The following MIER3 variants were observed in gnomAD, a reference collection of about 807,000 sequenced individuals.
MIER3 encodes mesoderm induction early response protein 3.
MIER3 carries 9 observed loss-of-function variants against 63.2 expected under a neutral mutation model. That is an observed-to-expected ratio of 0.14 (90% CI 0.09 to 0.25). The LOEUF is 0.25. Among genes scored for constraint, MIER3 ranks in the 10% least tolerant of loss-of-function variants. The pLI is 1.00. For synonymous variants in MIER3, 205 were observed against 224.9 expected, an observed-to-expected ratio of 0.91 and a Z score of 0.79; for missense variants, 512 against 666.2, an observed-to-expected ratio of 0.77 and a Z score of 2.55.
Position 56,921,084 on chromosome 5 carries a change from T to C in MIER3, c.*2044A>G, listed in dbSNP as rs925439626. The C allele has an allele frequency of 5.9e-5, 9 of 152,694 alleles. No homozygotes were observed. The highest frequency in any genetic ancestry group is 9.6e-5 in the African/African-American group (4 of 41,566). 9.5% of individuals were successfully genotyped at this position (152,694 alleles called of 1,614,324 possible). Reference sequence around the variant, plus strand: ...CTTATATCAAGACCCCAGCAATGCATAGATAAACTGAATATATTACTGCAT... The same window carrying C: ...CTTATATCAAGACCCCAGCAATGCACAGATAAACTGAATATATTACTGCAT... On this transcript the variant is annotated 3_prime_UTR_variant, in exon 13 of 13. Transcript: ENST00000381199.
At chr5:56,939,619 T>C (rs1750570272) in intron 3 of MIER3, among the ~76,000 whole-genome samples, 1 of 152,216 alleles carries the variant, frequency 6.6e-6, no homozygotes, top group Non-Finnish European at 1.5e-5. Context: ...TGTGGCTTAA[T>C]TCTGGGTTTG....
intron 3 of MIER3, among the ~76,000 whole-genome samples, chr5:56,939,953 T>G (rs1464331582): frequency 6.6e-6 from 1 of 152,230 alleles, no homozygotes; most frequent in Non-Finnish European, 1.5e-5. Flanking sequence ...GCAATGAAAC[T>G]GCCTAATGAC....
At position 56,952,051 on chromosome 5, in the gene MIER3, G is replaced by T. The variant is rs1051931420; in HGVS notation, c.9+43C>A. On this transcript the variant is annotated intron_variant, in intron 1 of 12. Coordinates refer to ENST00000381199, the MANE Select transcript of MIER3 (RefSeq NM_001297599.2). The stretch of plus-strand genomic sequence containing the variant: ...CGGGGGTCGCGGGGAGCCGCCGGGC[G>T]CCCGCTCCAGCCCGGCTGCTCCTGC... 6 of 1,264,666 alleles carry T rather than the reference G, an allele frequency of 4.7e-6. No homozygotes were observed. The African/African-American group carries it at 8.0e-5, about 17-fold the overall frequency. The allele number at this position is 1,264,666 out of a possible 1,614,324, so 78.3% of individuals were successfully genotyped here.
At position 56,946,971 on chromosome 5, in the gene MIER3, C is replaced by T. The variant is rs140774317; in HGVS notation, c.135G>A (p.Met45Ile). 2.6e-5 allele frequency: 41 copies of T among 1,607,304 alleles called. No homozygotes were observed. The highest frequency in any genetic ancestry group is 3.2e-5 in the Non-Finnish European group (38 of 1,177,672). ...DERTLEEEEM[M>I]DEGKNFSSEI... ...CTGAACTGAAGTTTTTACCCTCATCCATCATTTCCTCTTCTTCAAGAGTTC... is the reference window on the plus strand; with the variant it reads ...CTGAACTGAAGTTTTTACCCTCATCTATCATTTCCTCTTCTTCAAGAGTTC... Residue 45 changes from methionine (M) to isoleucine (I), a missense_variant, in exon 3 of 13, where the codon ATG (methionine) becomes ATA (isoleucine). Transcript: ENST00000381199.
chr5:56,930,335 AAAAAAG>A (rs1364216914), intron 9 of MIER3, among the ~76,000 whole-genome samples: 1 of 151,930 alleles, frequency 6.6e-6, no homozygotes, highest in Non-Finnish European at 1.5e-5. Flanking sequence ...GGCTGAAAAA[AAAAAAG>A]AAAAAATCTT....
intron 3 of MIER3, among the ~76,000 whole-genome samples, chr5:56,945,497 A>C (rs1262733920): frequency 2.0e-5 from 3 of 152,226 alleles, no homozygotes. Flanking sequence ...ATCTAGGTCT[A>C]TTAAAAGCTC....
At chr5:56,951,400 T>G (rs1432606399) in intron 1 of MIER3, among the ~76,000 whole-genome samples, 179 of 151,902 alleles carry the variant, frequency 1.2e-3, no homozygotes, top group South Asian at 2.1e-4. Context: ...CGCCCAGCCT[T>G]CCTTCCTCCA....
rs1749675124 is a variant in MIER3 at position 56,921,571 on chromosome 5, A to G, written c.*1557T>C. 6.6e-6 allele frequency: 1 copy of G among 152,622 alleles called. No homozygotes were observed. The highest frequency in any genetic ancestry group is 1.5e-5 in the Non-Finnish European group (1 of 68,020). 9.5% of individuals were successfully genotyped at this position (152,622 alleles called of 1,614,324 possible). On this transcript the variant is annotated 3_prime_UTR_variant, in exon 13 of 13. Coordinates refer to ENST00000381199, the MANE Select transcript of MIER3 (RefSeq NM_001297599.2). Reference sequence around the variant, plus strand: ...GCTGCAAAGAAAAACAAGAATACACATCATCCAAAACTAAGGATGTCATTG... The same window carrying G: ...GCTGCAAAGAAAAACAAGAATACACGTCATCCAAAACTAAGGATGTCATTG...
intron 2 of MIER3, among the ~76,000 whole-genome samples, chr5:56,950,360 A>G (rs1376197849): frequency 6.6e-6 from 1 of 152,202 alleles, no homozygotes; most frequent in Non-Finnish European, 1.5e-5. Context: ...CGGAGGAAAA[A>G]TAAGATATGT....
Position 56,920,189 on chromosome 5 carries a change from T to C in MIER3, c.*2939A>G, listed in dbSNP as rs918818339. 4.6e-5 allele frequency: 7 copies of C among 152,576 alleles called. No homozygotes were observed. Among genetic ancestry groups the C allele is most frequent in the Non-Finnish European group, 8.8e-5 (6 of 68,004 alleles). The allele number at this position is 152,576 out of a possible 1,614,324, so 9.5% of individuals were successfully genotyped here. A position where few individuals can be genotyped will look rare whatever the true frequency, so the allele number is the denominator to read the frequency against. ...TGATCTAATTGTACAAATTTTAGTA[T>C]TTTTTAAACAGTATTCTACATCCTT... On this transcript the variant is annotated 3_prime_UTR_variant, in exon 13 of 13. Coordinates refer to ENST00000381199, the MANE Select transcript of MIER3 (RefSeq NM_001297599.2).
chr5:56,927,787 T>C (rs1054386677), intron 10 of MIER3: 1 of 152,200 alleles, frequency 6.6e-6, no homozygotes, highest in Non-Finnish European at 1.5e-5. Context: ...TTTTGACAAA[T>C]GTGTAATTAC....
intron 8 of MIER3, among the ~76,000 whole-genome samples, chr5:56,932,414 T>G (rs145312655): frequency 6.6e-6 from 1 of 152,346 alleles, no homozygotes; most frequent in East Asian, 1.9e-4. Context: ...AGGTTTTAAT[T>G]CTTCTAAAAT....
chr5:56,923,372 A>G lies in MIER3; in HGVS notation c.1409T>C (p.Met470Thr), dbSNP rs146937136. Residue 470 changes from methionine to threonine, a missense_variant, in exon 13 of 13, where the codon ATG (methionine) becomes ACG (threonine). Physicochemically the swap from Met to Thr is moderately conservative, Grantham distance 81. Coordinates refer to ENST00000381199, the MANE Select transcript of MIER3 (RefSeq NM_001297599.2). ...FYHSELNPMNMCSEESERPAK... is the reference protein window; with the variant it reads ...FYHSELNPMNTCSEESERPAK... ...TGGTCTCTCTGACTCTTCACTGCAC[A>G]TGTTCATAGGGTTTAGCTCCGAGTG... 5.0e-6 allele frequency: 8 copies of G among 1,614,172 alleles called. No individual in the cohort carries two copies. The African/African-American group carries it at 5.3e-5, about 11-fold the overall frequency.
intron 6 of MIER3, 45 bp downstream of exon 6, chr5:56,935,621 A>G (rs757602582): frequency 2.6e-6 from 4 of 1,562,588 alleles, no homozygotes; most frequent in Middle Eastern, 3.4e-4. Flanking sequence ...CATTTCAGAA[A>G]TATTTTTAAA....
chr5:56,939,458 G>A (rs555109398), intron 3 of MIER3, among the ~76,000 whole-genome samples: 104 of 152,228 alleles, frequency 6.8e-4, no homozygotes, highest in Middle Eastern at 3.4e-3. Flanking sequence ...GAAAACCTTT[G>A]CTGAATGTTT....
At chr5:56,930,359 A>G (rs1385082730) in intron 9 of MIER3, among the ~76,000 whole-genome samples, 2 of 151,276 alleles carry the variant, frequency 1.3e-5, no homozygotes, top group East Asian at 3.9e-4. Context: ...CTTTTTTTCA[A>G]TGAAATCATA....
chr5:56,922,773 GC>G lies in MIER3; in HGVS notation c.*354del. ...CATCTGTGCTGGTTTTGAGCTGGTG[GC>G]CTCTGTCTACAGGTTTTAAAATTGG... On this transcript the variant is annotated 3_prime_UTR_variant, in exon 13 of 13. Coordinates refer to ENST00000381199, the MANE Select transcript of MIER3 (RefSeq NM_001297599.2). The G allele has an allele frequency of 2.1e-5, 5 of 233,642 alleles. No homozygotes were observed. Among genetic ancestry groups the G allele is most frequent in the Admixed American group, 1.0e-4 (2 of 19,918 alleles). The allele number at this position is 233,642 out of a possible 1,614,324, so 14.5% of individuals were successfully genotyped here. A position where few individuals can be genotyped will look rare whatever the true frequency, so the allele number is the denominator to read the frequency against.
chr5:56,952,200 CG>C (rs1190539864), upstream of MIER3: 5 of 1,028,220 alleles, frequency 4.9e-6, no homozygotes, highest in African/African-American at 8.7e-5. Context: ...GCGGTCCGCC[CG>C]GCACCCGCCC....
At chr5:56,948,680 A>C (rs1042397612) in intron 2 of MIER3, among the ~76,000 whole-genome samples, 1 of 152,300 alleles carries the variant, frequency 6.6e-6, no homozygotes, top group African/African-American at 2.4e-5. Context: ...AAAAACAAAA[A>C]AACAACAAAA....
Sources: allele counts gnomAD v4.1 joint callset (sites outside exome capture counted in the v4.1 genomes callset), GRCh38; gene constraint gnomAD v4.1.1; transcripts MANE v1.5; gene names NCBI Gene and HGNC (gene_info 2026-07-23, HGNC 2026-07-21).